KIF2C: variants seen among roughly 807,000 people sequenced by gnomAD.
The protein encoded by KIF2C is kinesin-like protein KIF2C.
A neutral mutation model predicts 97.4 loss-of-function variants in KIF2C; 34 were observed. The ratio of observed to expected loss-of-function variants is 0.35; its 90% CI spans 0.27 to 0.46. KIF2C has a LOEUF of 0.46. Among genes scored for constraint, KIF2C ranks in the 20% least tolerant of loss-of-function variants. The pLI is 1.00. For missense variants in KIF2C, 750 were observed against 907.6 expected, an observed-to-expected ratio of 0.83 and a Z score of 2.23; for synonymous variants, 313 against 318.2, an observed-to-expected ratio of 0.98 and a Z score of 0.17.
In KIF2C at chr1:44,740,894, G is replaced by GT; in HGVS notation, c.71-13dup. 1 of 1,564,110 alleles carries GT rather than the reference G, an allele frequency of 6.4e-7. No individual in the cohort carries two copies. The highest frequency in any genetic ancestry group is 8.7e-7 in the Non-Finnish European group (1 of 1,144,668). ...CTCAGGAAAGAGATGGGTAACTCTG[G>GT]TTTTTTCATACTTTATAGGTTTAAT... is the stretch of plus-strand genomic sequence containing the variant. On this transcript the variant is annotated intron_variant, in intron 1 of 20. Transcript: ENST00000372224.
chr1:44,764,763 C>T (rs1650361831), intron 19 of KIF2C, among the ~76,000 whole-genome samples: 1 of 152,116 alleles, frequency 6.6e-6, no homozygotes, highest in East Asian at 1.9e-4. Flanking sequence ...CCCGCCCCGA[C>T]CTCCCAAAGT....
intron 17 of KIF2C, 57 bp downstream of exon 17, chr1:44,762,040 G>A: frequency 6.8e-7 from 1 of 1,481,334 alleles, no homozygotes; most frequent in Admixed American, 1.7e-5. Context: ...GGGAAGGGCA[G>A]TGATGAGAGG....
chr1:44,749,546 G>A (rs2148824525), intron 4 of KIF2C, among the ~76,000 whole-genome samples: 1 of 152,172 alleles, frequency 6.6e-6, no homozygotes, highest in Non-Finnish European at 1.5e-5. Flanking sequence ...GAACCTAGGA[G>A]TTTGAGACCA....
At chr1:44,744,931 T>C (rs1483948085) in intron 2 of KIF2C, among the ~76,000 whole-genome samples, 1 of 151,862 alleles carries the variant, frequency 6.6e-6, no homozygotes, top group East Asian at 1.9e-4. Flanking sequence ...GGCTCATGCC[T>C]GTAATCCCAG....
At chr1:44,751,966 T>C (rs1649547132) in intron 5 of KIF2C, among the ~76,000 whole-genome samples, 2 of 149,908 alleles carry the variant, frequency 1.3e-5, no homozygotes, top group South Asian at 4.2e-4. Flanking sequence ...GGACTACAGG[T>C]GCACACCACC....
chr1:44,759,312 A>G lies in KIF2C; in HGVS notation c.1331A>G (p.Asp444Gly), dbSNP rs1258121953. ...GAGCATCTGGTTAACTCTGCTGATG[A>G]TGTCATCAAGATGATCGACATGGGC... ...LQEHLVNSAD[D>G]VIKMIDMGSA... Residue 444 changes from aspartate to glycine, a missense_variant, in exon 14 of 21, where the codon GAT becomes GGT. Coordinates refer to ENST00000372224, the MANE Select transcript of KIF2C (RefSeq NM_006845.4). The G allele has an allele frequency of 6.8e-6, 11 of 1,614,036 alleles. No homozygotes were observed. The highest frequency in any genetic ancestry group is 8.5e-6 in the Non-Finnish European group (10 of 1,180,024).
intron 2 of KIF2C, chr1:44,746,602 A>G: frequency 7.0e-7 from 1 of 1,433,410 alleles, no homozygotes; most frequent in East Asian, 2.7e-5. Flanking sequence ...GCCCAGCAGG[A>G]CCTCACTGCC....
chr1:44,755,786 G>A (rs776940788), intron 8 of KIF2C, 143 bp from the exon 9 acceptor site: 4 of 682,226 alleles, frequency 5.9e-6, no homozygotes, highest in Non-Finnish European at 7.8e-6. Flanking sequence ...GTATCTAATG[G>A]AGGATGCAGG....
intron 8 of KIF2C, 100 bp from the exon 9 acceptor site, chr1:44,755,829 G>A (rs937112529): frequency 1.1e-5 from 12 of 1,099,692 alleles, no homozygotes; most frequent in Non-Finnish European, 2.8e-6. Context: ...CTCTGACTGG[G>A]CCAGACATGG....
At chr1:44,740,536 C>T (rs1043719533) in intron 1 of KIF2C, among the ~76,000 whole-genome samples, 6 of 152,072 alleles carry the variant, frequency 3.9e-5, no homozygotes, top group Non-Finnish European at 8.8e-5. Context: ...AGGAAAACCC[C>T]AAAAGGGCCA....
intron 2 of KIF2C, 85 bp from the exon 3 acceptor site, chr1:44,747,299 C>G: frequency 8.8e-7 from 1 of 1,139,854 alleles, no homozygotes; most frequent in East Asian, 2.4e-5. Flanking sequence ...CAGAGCGATA[C>G]TCTGTCTCAA....
intron 19 of KIF2C, among the ~76,000 whole-genome samples, chr1:44,764,168 ACT>A (rs201859491): frequency 2.6e-5 from 4 of 151,518 alleles, no homozygotes; most frequent in Admixed American, 1.3e-4. Context: ...CAAAATATGT[ACT>A]CTCTCTCTAT....
In KIF2C at chr1:44,759,247, G is replaced by A. The variant is rs749859544; in HGVS notation, c.1266G>A (p.Leu422=). The change falls in exon 14 of 21, where the codon CTG becomes CTA. Residue 422 remains leucine, a synonymous_variant. Coordinates refer to ENST00000372224, the MANE Select transcript of KIF2C (RefSeq NM_006845.4). The part of the protein sequence containing the change: ...LLNKKAKLRV[L]EDGKQQVQVV... ...ACAAGAAGGCCAAGCTGCGCGTGCTGGAGGACGGCAAGCAACAGGTGCAAG... is the reference window on the plus strand; with the variant it reads ...ACAAGAAGGCCAAGCTGCGCGTGCTAGAGGACGGCAAGCAACAGGTGCAAG... 1.9e-6 allele frequency: 3 copies of A among 1,614,168 alleles called. No individual in the cohort carries two copies. The highest frequency in any genetic ancestry group is 3.3e-5 in the Admixed American group (2 of 60,016).
chr1:44,759,009 G>C (rs1223181284), intron 13 of KIF2C, 197 bp from the exon 14 acceptor site: 2 of 614,324 alleles, frequency 3.3e-6, no homozygotes, highest in Non-Finnish European at 5.6e-6. Context: ...TAAGTTACCA[G>C]AGTCACAGCA....
intron 13 of KIF2C, among the ~76,000 whole-genome samples, chr1:44,758,482 A>G (rs921113661): frequency 2.6e-5 from 4 of 151,958 alleles, no homozygotes; most frequent in Non-Finnish European, 5.9e-5. Flanking sequence ...ACCACCATAT[A>G]TCTCTTCCAC....
chr1:44,742,024 G>A lies in KIF2C; in HGVS notation c.165+1017G>A, dbSNP rs906047906. ...AAAAAAAAAAAAAAAAAAAAAGAAT[G>A]GTCCCCTTCCAGATGCATTGGGATT... On this transcript the variant is annotated intron_variant, in intron 2 of 20. Transcript: ENST00000372224. Among the ~76,000 whole-genome samples, 5 of 136,770 alleles carry A rather than the reference G, an allele frequency of 3.7e-5. No homozygotes were observed. The South Asian group carries it at 9.3e-4, about 25-fold the overall frequency. 89.7% of individuals were successfully genotyped at this position (136,770 alleles called of 152,430 possible).
intron 5 of KIF2C, among the ~76,000 whole-genome samples, chr1:44,752,867 C>T (rs139552880): frequency 2.0e-5 from 3 of 152,296 alleles, no homozygotes; most frequent in African/African-American, 7.2e-5. Context: ...AAAGAGTTCA[C>T]GCTCTCAGAG....
rs757774617 is a variant in KIF2C at position 44,747,377 on chromosome 1, C to A, written c.166-7C>A. The A allele has an allele frequency of 3.7e-6, 6 of 1,602,286 alleles. No homozygotes were observed. The highest frequency in any genetic ancestry group is 5.1e-6 in the Non-Finnish European group (6 of 1,172,938). Reference sequence around the variant, plus strand: ...GTTTCATTGAAACTTTTACTTGCTCCTTGCAGATTGATTTTGATGATGTGG... The same window carrying A: ...GTTTCATTGAAACTTTTACTTGCTCATTGCAGATTGATTTTGATGATGTGG... On this transcript the variant is annotated splice_region_variant and splice_polypyrimidine_tract_variant and intron_variant, in intron 2 of 20. Transcript: ENST00000372224.
chr1:44,759,015 C>G lies in KIF2C; in HGVS notation c.1225-191C>G, dbSNP rs973802415. ...CACAGCTAGTAAGTTACCAGAGTCA[C>G]AGCAAACTGAGGCAGTTCGGCTCAG... On this transcript the variant is annotated intron_variant, in intron 13 of 20. Transcript: ENST00000372224. The G allele has an allele frequency of 7.5e-5, 48 of 642,364 alleles. No individual in the cohort carries two copies. In the African/African-American group the frequency reaches 8.0e-4, roughly 11 times the overall value. The allele number at this position is 642,364 out of a possible 1,614,324, so 39.8% of individuals were successfully genotyped here.
Sources: gnomAD v4.1 joint callset for allele counts (sites outside exome capture counted in the v4.1 genomes callset) on GRCh38, gnomAD v4.1.1 for gene constraint, MANE v1.5 for transcripts, NCBI Gene and HGNC (gene_info 2026-07-23, HGNC 2026-07-21) for gene names.